THOP1: variants seen among roughly 807,000 people sequenced by gnomAD.
THOP1 encodes thimet oligopeptidase 1.
THOP1 carries 49 observed loss-of-function variants against 71.8 expected under a neutral mutation model. That is an observed-to-expected ratio of 0.68 (90% CI 0.54 to 0.87). The LOEUF (loss-of-function observed/expected upper bound fraction) is 0.87. Ranked by LOEUF, THOP1 falls within the 40% of genes least tolerant of loss-of-function variation. The pLI is 0.00. For synonymous variants in THOP1, 426 were observed against 421.5 expected (o/e 1.01, Z -0.13); for missense variants, 843 against 975.6 (o/e 0.86, Z 1.81).
At chr19:2,795,035 G>C in intron 3 of THOP1, 123 bp downstream of exon 3, 1 of 1,214,364 alleles carries the variant, frequency 8.2e-7, no homozygotes, top group African/African-American at 1.5e-5. Flanking sequence ...TGTTGGTCAG[G>C]CTAGTCTCGA....
At chr19:2,806,131 A>T (rs1017870537) in intron 6 of THOP1, 2 of 152,288 alleles carry the variant, frequency 1.3e-5, no homozygotes, top group Non-Finnish European at 2.9e-5. Flanking sequence ...GTTGGCTATG[A>T]ATTCATGTTG....
chr19:2,802,514 A>C (rs571114253), intron 5 of THOP1, among the ~76,000 whole-genome samples: 3,023 of 25,678 alleles, frequency 0.12, 7 homozygotes, highest in Non-Finnish European at 0.15. Context: ...CCAACACCTC[A>C]CGACACCCAC....
At chr19:2,813,004 C>T in intron 12 of THOP1, 111 bp from the exon 13 acceptor site, 1 of 1,364,626 alleles carries the variant, frequency 7.3e-7, no homozygotes, top group Non-Finnish European at 9.8e-7. Context: ...CCCTGGGAAC[C>T]TGGAAGGGGT....
intron 12 of THOP1, among the ~76,000 whole-genome samples, chr19:2,812,649 C>T (rs908424885): frequency 1.3e-5 from 2 of 152,204 alleles, no homozygotes; most frequent in African/African-American, 2.4e-5. Context: ...CAGGCTCCTG[C>T]GGGGCTCTGG....
chr19:2,802,612 G>A (rs1267707369), intron 5 of THOP1, among the ~76,000 whole-genome samples: 1 of 151,862 alleles, frequency 6.6e-6, no homozygotes, highest in Admixed American at 6.6e-5. Flanking sequence ...CGCATCTCCC[G>A]ACACCACCAT....
In THOP1 at chr19:2,804,262, G is replaced by A. The variant is rs1432598004; in HGVS notation, c.590-754G>A. Among the ~76,000 whole-genome samples, 1 of 152,216 alleles carries A rather than the reference G, an allele frequency of 6.6e-6. No homozygotes were observed. The highest frequency in any genetic ancestry group is 1.5e-5 in the Non-Finnish European group (1 of 68,044). On this transcript the variant is annotated intron_variant, in intron 5 of 12. Transcript: ENST00000307741. This position sits in a 1 kb window ranked among gnomAD's most constrained non-coding sequence, Gnocchi z 4.7. ...CCACTTCTCTTGAGGCTGTCGGGCAGGGGCCAGGTGGGAGGGTGTGGCTGC... is the reference window on the plus strand; with the variant it reads ...CCACTTCTCTTGAGGCTGTCGGGCAAGGGCCAGGTGGGAGGGTGTGGCTGC...
intron 9 of THOP1, chr19:2,809,974 C>T (rs754767427): frequency 2.0e-5 from 8 of 397,598 alleles, no homozygotes; most frequent in Admixed American, 4.2e-5. Context: ...CGTCCCCACC[C>T]GGACCTGGCC....
At chr19:2,806,643 C>T (rs1022910075) in intron 6 of THOP1, 3 of 491,948 alleles carry the variant, frequency 6.1e-6, no homozygotes, top group South Asian at 2.7e-5. Flanking sequence ...GTGATGCCCT[C>T]GGAGGCTCCT....
intron 5 of THOP1, among the ~76,000 whole-genome samples, chr19:2,803,037 C>T (rs574267744): frequency 6.6e-6 from 1 of 151,194 alleles, no homozygotes; most frequent in Non-Finnish European, 1.5e-5. Flanking sequence ...CTGTGGGGCG[C>T]GCGGTACCGC....
Position 2,813,464 on chromosome 19 carries a change from C to T in THOP1, c.*188C>T, listed in dbSNP as rs1916539634. On this transcript the variant is annotated 3_prime_UTR_variant, in exon 13 of 13. Coordinates refer to ENST00000307741, the MANE Select transcript of THOP1 (RefSeq NM_003249.5). The stretch of plus-strand genomic sequence containing the variant: ...CCCACCCGGCTAGAGACGGCGTCCT[C>T]AAGGCATCTGGAGGGCTTTCGTGGC... 1.4e-6 allele frequency: 1 copy of T among 703,682 alleles called. No individual in the cohort carries two copies. Among genetic ancestry groups the T allele is most frequent in the Non-Finnish European group, 2.3e-6 (1 of 444,260 alleles). 43.6% of individuals were successfully genotyped at this position (703,682 alleles called of 1,614,324 possible).
Position 2,801,347 on chromosome 19 carries a change from C to A in THOP1, c.589+1556C>A, listed in dbSNP as rs903089596. Among the ~76,000 whole-genome samples the A allele has an allele frequency of 9.8e-5, 15 of 152,320 alleles. No individual in the cohort carries two copies. The highest frequency in any genetic ancestry group is 9.2e-4 in the Admixed American group (14 of 15,300). ...CGTTTCAGCTGCCTGTTTCTTTTCACGTTTGCCATCCTGCAAACTCGAATG... is the reference window on the plus strand; with the variant it reads ...CGTTTCAGCTGCCTGTTTCTTTTCAAGTTTGCCATCCTGCAAACTCGAATG... On this transcript the variant is annotated intron_variant, in intron 5 of 12. Transcript: ENST00000307741. The surrounding 1 kb of genome is among the most constrained non-coding windows in gnomAD (Gnocchi z 5.1).
chr19:2,799,780 T>C lies in THOP1; in HGVS notation c.578T>C (p.Leu193Pro), dbSNP rs769490850. 3 of 1,613,658 alleles carry C rather than the reference T, an allele frequency of 1.9e-6. No homozygotes were observed. Among genetic ancestry groups the C allele is most frequent in the South Asian group, 1.1e-5 (1 of 91,084 alleles). The change falls in exon 5 of 13, where the codon CTC (leucine) becomes CCC (proline). Residue 193 changes from leucine to proline, a missense_variant. By Grantham distance (98) the Leu-to-Pro change is moderately conservative. Transcript: ENST00000307741. ...NEDTTFLPFT[L>P]QELGGLPEDF... ...GACACGACCTTCCTGCCCTTCACGCTCCAGGAGCTAGGTAGGGGCCGAGCA... is the reference window on the plus strand; with the variant it reads ...GACACGACCTTCCTGCCCTTCACGCCCCAGGAGCTAGGTAGGGGCCGAGCA...
chr19:2,801,625 C>T lies in THOP1; in HGVS notation c.589+1834C>T, dbSNP rs11670399. Among the ~76,000 whole-genome samples the T allele has an allele frequency of 6.6e-6, 1 of 152,154 alleles. No individual in the cohort carries two copies. The highest frequency in any genetic ancestry group is 2.4e-5 in the African/African-American group (1 of 41,426). ...TTTTCTTCTGCTTACAACAGAAAAC[C>T]TAAGGCCATGTAGTTTATAAGAAAA... On this transcript the variant is annotated intron_variant, in intron 5 of 12. Transcript: ENST00000307741. The surrounding 1 kb of genome is among the most constrained non-coding windows in gnomAD (Gnocchi z 5.1).
chr19:2,791,343 G>A (rs543947068), intron 2 of THOP1, among the ~76,000 whole-genome samples: 2 of 152,336 alleles, frequency 1.3e-5, no homozygotes, highest in East Asian at 1.9e-4. Context: ...TCCATCTAGC[G>A]GAAGGCCTTT....
intron 1 of THOP1, 42 bp downstream of exon 1, chr19:2,785,720 C>T: frequency 7.3e-7 from 1 of 1,370,928 alleles, no homozygotes; most frequent in Admixed American, 3.0e-5. Flanking sequence ...GTCCCCTGCA[C>T]CCTCGCTCCT....
In THOP1 at chr19:2,805,579, A is replaced by G. The variant is rs1029062914; in HGVS notation, c.750+403A>G. 9.2e-5 allele frequency among the ~76,000 whole-genome samples: 14 copies of G among 152,116 alleles called. No homozygotes were observed. Among genetic ancestry groups the G allele is most frequent in the Non-Finnish European group, 4.4e-5 (3 of 68,014 alleles). ...TCCACAGGTGGGTTGTGACTGGGCT[A>G]TCTCGCTGTGACTGGCGTCAGACGG... On this transcript the variant is annotated intron_variant, in intron 6 of 12. Coordinates refer to ENST00000307741, the MANE Select transcript of THOP1 (RefSeq NM_003249.5). The surrounding 1 kb of genome is among the most constrained non-coding windows in gnomAD (Gnocchi z 6.6).
chr19:2,789,553 C>T (rs7255369), intron 1 of THOP1, among the ~76,000 whole-genome samples: 3,970 of 152,208 alleles, frequency 0.026, 163 homozygotes, highest in African/African-American at 0.089. Flanking sequence ...CCTGCTTGTT[C>T]CCCCCACTGG....
At chr19:2,798,360 T>C (rs2144766727) in intron 4 of THOP1, among the ~76,000 whole-genome samples, 1 of 152,306 alleles carries the variant, frequency 6.6e-6, no homozygotes, top group Non-Finnish European at 1.5e-5. Flanking sequence ...GCTTGTTGCA[T>C]GCCCAGCATG....
chr19:2,806,692 G>A (rs928640707), intron 6 of THOP1: 1 of 662,074 alleles, frequency 1.5e-6, no homozygotes, highest in African/African-American at 1.8e-5. Flanking sequence ...TCCGTGTGAG[G>A]CCTTAGAGTC....
Sources: gnomAD v4.1 joint callset for allele counts (sites outside exome capture counted in the v4.1 genomes callset) on GRCh38, gnomAD v4.1.1 for gene constraint, Gnocchi (gnomAD v3.1) non-coding constraint, MANE v1.5 for transcripts, NCBI Gene and HGNC (gene_info 2026-07-23, HGNC 2026-07-21) for gene names.